Variants in SCN9A observed in about 807,000 individuals in gnomAD.
The protein encoded by SCN9A is sodium voltage-gated channel alpha subunit 9.
In SCN9A, 131 loss-of-function variants were observed where a neutral mutation model predicts 187.0. That is an observed-to-expected ratio of 0.70 (90% confidence interval 0.61 to 0.81). SCN9A has a LOEUF of 0.81. Among genes scored for constraint, SCN9A ranks in the 30% least tolerant of loss-of-function variants. The pLI, the probability that SCN9A is intolerant of heterozygous loss-of-function variation, is 0.00. For missense variants in SCN9A, 2,252 were observed against 2,396.6 expected (o/e 0.94, Z 1.26); for synonymous variants, 809 against 808.6 (o/e 1.00, Z -0.01).
chr2:166,286,571 A>G lies in SCN9A; in HGVS notation c.1367T>C (p.Met456Thr). The G allele has an allele frequency of 4.4e-6, 7 of 1,600,130 alleles. No individual in the cohort carries two copies. Among genetic ancestry groups the G allele is most frequent in the Non-Finnish European group, 6.0e-6 (7 of 1,175,378 alleles). ...EYTSIRRSRI[M>T]GLSESSSETS... The stretch of plus-strand genomic sequence containing the variant: ...TTCAGAAGAACTCTCTGAGAGGCCC[A>G]TAATTCTGCTTCTCCTAATACTTGT... The change falls in exon 11 of 27, where the codon ATG becomes ACG. Residue 456 changes from methionine to threonine, a missense_variant. Physicochemically the swap from Met to Thr is moderately conservative, Grantham distance 81. Around this residue, in one of 7 missense-constraint regions of SCN9A, gnomAD observed 1,013 missense variants for 997.4 expected, o/e 1.02. Coordinates refer to ENST00000642356, the MANE Select transcript of SCN9A (RefSeq NM_001365536.1).
chr2:166,239,399 A>T (rs774557272), intron 19 of SCN9A, among the ~76,000 whole-genome samples: 2 of 152,154 alleles, frequency 1.3e-5, no homozygotes, highest in Non-Finnish European at 2.9e-5. Context: ...ACCTGTCTAC[A>T]GTCATGAACT....
intron 1 of SCN9A, among the ~76,000 whole-genome samples, chr2:166,340,258 T>C (rs936589462): frequency 1.3e-5 from 2 of 152,192 alleles, no homozygotes; most frequent in Non-Finnish European, 2.9e-5. Context: ...GGGTTTTCTT[T>C]CAAAACATGC....
intron 24 of SCN9A, among the ~76,000 whole-genome samples, chr2:166,213,209 G>A (rs929603158): frequency 7.3e-5 from 11 of 151,384 alleles, no homozygotes; most frequent in Admixed American, 2.0e-4. Context: ...TTTTTCGAAA[G>A]ATAAAATAGA....
chr2:166,295,907 A>C (rs1003501092), intron 7 of SCN9A: 2 of 152,166 alleles, frequency 1.3e-5, no homozygotes, highest in African/African-American at 4.8e-5. Context: ...GCTTGTTCCT[A>C]AGACTGGGGG....
At chr2:166,278,605 T>C (rs529745657) in intron 14 of SCN9A, among the ~76,000 whole-genome samples, 2 of 152,288 alleles carry the variant, frequency 1.3e-5, no homozygotes, top group East Asian at 3.9e-4. Flanking sequence ...CATTTGGTAA[T>C]TGACACAGTC....
intron 2 of SCN9A, among the ~76,000 whole-genome samples, chr2:166,308,019 G>A (rs1411733764): frequency 6.6e-6 from 1 of 152,138 alleles, no homozygotes; most frequent in Non-Finnish European, 1.5e-5. Flanking sequence ...CTGTGAGTCA[G>A]GCTTTTTATT....
At chr2:166,314,063 C>G (rs754512913) in intron 1 of SCN9A, among the ~76,000 whole-genome samples, 1 of 152,096 alleles carries the variant, frequency 6.6e-6, no homozygotes, top group Non-Finnish European at 1.5e-5. Flanking sequence ...AAAACAATTA[C>G]CACAGTAACA....
intron 1 of SCN9A, among the ~76,000 whole-genome samples, chr2:166,324,445 G>A (rs1377173632): frequency 6.6e-6 from 1 of 152,082 alleles, no homozygotes; most frequent in East Asian, 1.9e-4. Flanking sequence ...GATGCTAACT[G>A]TTGTAAAATG....
At chr2:166,252,564 T>G (rs1301056590) in intron 17 of SCN9A, among the ~76,000 whole-genome samples, 1 of 151,718 alleles carries the variant, frequency 6.6e-6, no homozygotes, top group Non-Finnish European at 1.5e-5. Context: ...GTAGAAAAGA[T>G]CAAACAGTAT....
chr2:166,251,723 C>G, intron 18 of SCN9A, 42 bp downstream of exon 18: 2 of 1,609,826 alleles, frequency 1.2e-6, no homozygotes, highest in Non-Finnish European at 1.7e-6. Context: ...CCCCAGAACA[C>G]TAATTAAGGA....
intron 1 of SCN9A, among the ~76,000 whole-genome samples, chr2:166,348,648 C>T (rs905408190): frequency 2.0e-5 from 3 of 152,046 alleles, no homozygotes; most frequent in African/African-American, 7.2e-5. Flanking sequence ...TTCTCAATAG[C>T]TTATGGGATT....
chr2:166,215,909 T>A (rs74958673), intron 24 of SCN9A, among the ~76,000 whole-genome samples: 2,746 of 152,034 alleles, frequency 0.018, 99 homozygotes, highest in African/African-American at 0.062. Context: ...TATACTGATA[T>A]GAAAACCCTA....
At chr2:166,342,711 A>G (rs1699814810) in intron 1 of SCN9A, among the ~76,000 whole-genome samples, 2 of 152,344 alleles carry the variant, frequency 1.3e-5, no homozygotes, top group Admixed American at 1.3e-4. Context: ...ATTTAAAAAT[A>G]TACACAAAAT....
chr2:166,375,025 G>A (rs770714259), intron 1 of SCN9A, among the ~76,000 whole-genome samples: 3 of 151,996 alleles, frequency 2.0e-5, no homozygotes, highest in Admixed American at 1.3e-4. Flanking sequence ...TATAAGGCAC[G>A]AAAATATCCA....
intron 18 of SCN9A, among the ~76,000 whole-genome samples, chr2:166,247,362 A>G (rs1695841104): frequency 6.6e-6 from 1 of 152,090 alleles, no homozygotes. Context: ...TCCAAAAGAA[A>G]GAAAAAATAA....
intron 1 of SCN9A, among the ~76,000 whole-genome samples, chr2:166,366,156 A>ACTAGAC: frequency 6.6e-6 from 1 of 152,310 alleles, no homozygotes; most frequent in Admixed American, 6.5e-5. Flanking sequence ...TTGGAGGCCA[A>ACTAGAC]CTAGACCGGA....
At chr2:166,222,967 A>C (rs1694682227) in intron 24 of SCN9A, among the ~76,000 whole-genome samples, 1 of 148,712 alleles carries the variant, frequency 6.7e-6, no homozygotes, top group Non-Finnish European at 1.5e-5. Context: ...AAAAAAAAAA[A>C]AAAAACAGCA....
At chr2:166,208,065 A>G (rs1693901723) in intron 24 of SCN9A, among the ~76,000 whole-genome samples, 1 of 152,242 alleles carries the variant, frequency 6.6e-6, no homozygotes, top group Admixed American at 6.5e-5. Flanking sequence ...TTATGAATTA[A>G]TTCAATAGAG....
chr2:166,369,614 A>G (rs1246242119), intron 1 of SCN9A, among the ~76,000 whole-genome samples: 1 of 152,204 alleles, frequency 6.6e-6, no homozygotes. Context: ...CAACTTTATA[A>G]TATTTTGTTC....
Sources: gnomAD v4.1 joint callset for allele counts (sites outside exome capture counted in the v4.1 genomes callset) on GRCh38, gnomAD v4.1.1 for gene constraint, gnomAD v4.1.1 regional missense constraint, MANE v1.5 for transcripts, NCBI Gene and HGNC (gene_info 2026-07-23, HGNC 2026-07-21) for gene names.